CPQ: variants seen among roughly 807,000 people sequenced by gnomAD.
CPQ encodes the protein carboxypeptidase Q, also known as Ser-Met dipeptidase.
A neutral mutation model predicts 45.7 loss-of-function variants in CPQ; 37 were observed. That is an observed-to-expected ratio of 0.81 (90% CI 0.62 to 1.07). CPQ has a LOEUF of 1.07. Ranked by LOEUF, CPQ falls within the 50% of genes least tolerant of loss-of-function variation. The pLI, the probability that CPQ is intolerant of heterozygous loss-of-function variation, is 0.00. For synonymous variants in CPQ, 186 were observed against 205.8 expected (o/e 0.90, Z 0.82); for missense variants, 537 against 572.9 (o/e 0.94, Z 0.64).
intron 2 of CPQ, among the ~76,000 whole-genome samples, chr8:96,833,763 C>T (rs578063718): frequency 1.3e-5 from 2 of 152,270 alleles, no homozygotes; most frequent in South Asian, 2.1e-4. Flanking sequence ...TAGCCAATCA[C>T]TTTAAAGTGA....
intron 1 of CPQ, among the ~76,000 whole-genome samples, chr8:96,708,848 C>T (rs1034985409): frequency 4.6e-5 from 7 of 152,112 alleles, no homozygotes; most frequent in African/African-American, 7.2e-5. Flanking sequence ...ATAGTTGTCT[C>T]GGCAAAATCT....
intron 3 of CPQ, among the ~76,000 whole-genome samples, chr8:96,876,612 G>A (rs1812148206): frequency 6.6e-6 from 1 of 152,054 alleles, no homozygotes; most frequent in Non-Finnish European, 1.5e-5. Flanking sequence ...TCTTTCATTA[G>A]TTTGATTAGT....
At chr8:97,034,924 T>G (rs1809970509) in intron 6 of CPQ, among the ~76,000 whole-genome samples, 1 of 151,050 alleles carries the variant, frequency 6.6e-6, no homozygotes, top group Non-Finnish European at 1.5e-5. Flanking sequence ...GGAGTCGTGC[T>G]CTGTCCCCCA....
At chr8:96,760,926 T>C (rs1174685865) in intron 1 of CPQ, 1 of 152,182 alleles carries the variant, frequency 6.6e-6, no homozygotes, top group Non-Finnish European at 1.5e-5. Context: ...AATATGGAAC[T>C]TGTAATTATG....
intron 4 of CPQ, among the ~76,000 whole-genome samples, chr8:96,880,518 CATATATATATATATATATATATATATAT>C (rs200512558): frequency 0.26 from 25,715 of 97,290 alleles, 4,259 homozygotes; most frequent in East Asian, 0.55. Context: ...AATATATGGT[CATATATATATATATATATATATATATAT>C]ATATATATAT....
At chr8:96,744,063 C>T (rs1214400629) in intron 1 of CPQ, among the ~76,000 whole-genome samples, 1 of 152,256 alleles carries the variant, frequency 6.6e-6, no homozygotes, top group Non-Finnish European at 1.5e-5. Flanking sequence ...TGGCGGGCGC[C>T]CCTCCCCCAG....
intron 4 of CPQ, among the ~76,000 whole-genome samples, chr8:96,916,843 G>A (rs990066672): frequency 1.3e-5 from 2 of 152,050 alleles, no homozygotes; most frequent in African/African-American, 2.4e-5. Context: ...CCATGCTTCC[G>A]ATTGAGATTT....
At chr8:96,958,302 T>G (rs1813391777) in intron 4 of CPQ, among the ~76,000 whole-genome samples, 1 of 152,182 alleles carries the variant, frequency 6.6e-6, no homozygotes, top group South Asian at 2.1e-4. Context: ...TTACCTAAAC[T>G]CTCTGTGTCT....
chr8:96,877,351 C>T (rs1179504742), intron 3 of CPQ, among the ~76,000 whole-genome samples: 1 of 152,068 alleles, frequency 6.6e-6, no homozygotes, highest in African/African-American at 2.4e-5. Flanking sequence ...GCTCACTGTC[C>T]CCACTTTAAG....
At chr8:97,026,678 T>G (rs1586501587) in intron 5 of CPQ, among the ~76,000 whole-genome samples, 1 of 152,240 alleles carries the variant, frequency 6.6e-6, no homozygotes, top group East Asian at 1.9e-4. Context: ...ACTAAGCTTC[T>G]CAAGGGCTTG....
At chr8:96,806,406 C>T (rs890171465) in intron 2 of CPQ, among the ~76,000 whole-genome samples, 21 of 152,122 alleles carry the variant, frequency 1.4e-4, no homozygotes, top group African/African-American at 5.1e-4. Context: ...TAAGCATGAC[C>T]TGATTCTAGG....
intron 3 of CPQ, among the ~76,000 whole-genome samples, chr8:96,854,552 A>AG (rs1251596194): frequency 1.6e-5 from 2 of 127,882 alleles, no homozygotes; most frequent in Middle Eastern, 3.9e-3. Context: ...AAAAAAAAAA[A>AG]AAAAAAATGT....
intron 3 of CPQ, among the ~76,000 whole-genome samples, chr8:96,867,958 C>A (rs1412452138): frequency 6.6e-6 from 1 of 152,032 alleles, no homozygotes; most frequent in Non-Finnish European, 1.5e-5. Flanking sequence ...TGGCTCTTCA[C>A]CTGCACATAA....
intron 1 of CPQ, among the ~76,000 whole-genome samples, chr8:96,741,923 G>A (rs1362889088): frequency 1.4e-5 from 2 of 143,530 alleles, no homozygotes; most frequent in Admixed American, 1.4e-4. Context: ...AATAGGTGTG[G>A]TGTGGTGCTG....
intron 1 of CPQ, among the ~76,000 whole-genome samples, chr8:96,741,619 T>A (rs913752125): frequency 4.6e-5 from 7 of 152,236 alleles, no homozygotes; most frequent in Non-Finnish European, 1.0e-4. Context: ...TTTAGTGCTA[T>A]AAATTTCCCT....
At chr8:96,808,676 A>G (rs1811117677) in intron 2 of CPQ, among the ~76,000 whole-genome samples, 1 of 152,176 alleles carries the variant, frequency 6.6e-6, no homozygotes, top group South Asian at 2.1e-4. Flanking sequence ...TGGTGGCCGT[A>G]AGATGTGAAA....
intron 5 of CPQ, among the ~76,000 whole-genome samples, chr8:96,971,869 A>G (rs940079708): frequency 6.6e-6 from 1 of 152,230 alleles, no homozygotes; most frequent in African/African-American, 2.4e-5. Flanking sequence ...AAGAAGGATT[A>G]AAATGGCAGA....
At chr8:96,657,270 A>G (rs964936478) in intron 1 of CPQ, among the ~76,000 whole-genome samples, 10 of 152,084 alleles carry the variant, frequency 6.6e-5, no homozygotes, top group Admixed American at 3.3e-4. Flanking sequence ...ACTTGAACCC[A>G]GGAGGCAGAG....
At chr8:96,739,655 G>C (rs1436291308) in intron 1 of CPQ, among the ~76,000 whole-genome samples, 5 of 145,434 alleles carry the variant, frequency 3.4e-5, no homozygotes, top group Non-Finnish European at 7.5e-5. Flanking sequence ...GTAAGGAAGG[G>C]ATCCAGTTTC....
Sources: allele counts gnomAD v4.1 joint callset (sites outside exome capture counted in the v4.1 genomes callset), GRCh38; gene constraint gnomAD v4.1.1; transcripts MANE v1.5; gene names NCBI Gene and HGNC (gene_info 2026-07-23, HGNC 2026-07-21).